WFDC9: variants seen among roughly 807,000 people sequenced by gnomAD.
WFDC9 encodes the protein WAP four-disulfide core domain 9, also known as protein WFDC9.
A neutral mutation model predicts 9.5 loss-of-function variants in WFDC9; 9 were observed. The observed-to-expected ratio is 0.95, with a 90% CI of 0.57 to 1.65. The LOEUF (loss-of-function observed/expected upper bound fraction) is 1.65, where lower values mean the gene tolerates loss of function less well. Ranked by LOEUF, WFDC9 falls within the 40% of genes most tolerant of loss-of-function variation. WFDC9 has a pLI of 0.00. For synonymous variants in WFDC9, 33 were observed against 32.3 expected, an observed-to-expected ratio of 1.02 and a Z score of -0.07; for missense variants, 87 against 106.7, an observed-to-expected ratio of 0.82 and a Z score of 0.81.
At chr20:45,629,350 A>G (rs1297206637) in intron 1 of WFDC9, among the ~76,000 whole-genome samples, 3 of 152,248 alleles carry the variant, frequency 2.0e-5, no homozygotes, top group African/African-American at 7.2e-5. Flanking sequence ...TACTTACATG[A>G]TTAAATAAGG....
At position 45,621,913 on chromosome 20, in the gene WFDC9, T is replaced by A. The variant is rs117430542; in HGVS notation, c.-152-7192A>T. ...CATAGCTGCAAGAAAAACCATGTGC[T>A]GAGTCCTGTGAGTCCTCCTAGTAAA... On this transcript the variant is annotated intron_variant, in intron 1 of 4. Transcript: ENST00000326000. 4.3e-3 allele frequency among the ~76,000 whole-genome samples: 662 copies of A among 152,344 alleles called. 5 individuals carry two copies. The highest frequency in any genetic ancestry group is 4.1e-3 in the Non-Finnish European group (282 of 68,038).
intron 1 of WFDC9, among the ~76,000 whole-genome samples, chr20:45,627,343 TAAG>T (rs1413320027): frequency 6.6e-6 from 1 of 150,622 alleles, no homozygotes; most frequent in African/African-American, 2.4e-5. Context: ...AAAATTGAGC[TAAG>T]AAGAATTCCT....
intron 4 of WFDC9, 40 bp downstream of exon 4, chr20:45,608,623 G>A: frequency 6.3e-7 from 1 of 1,588,268 alleles, no homozygotes; most frequent in Non-Finnish European, 8.6e-7. Flanking sequence ...CAGTGATGAA[G>A]CATGCCCAGG....
At chr20:45,608,903 C>A (rs917530570) in intron 3 of WFDC9, 93 bp from the exon 4 acceptor site, 26 of 1,351,064 alleles carry the variant, frequency 1.9e-5, no homozygotes, top group East Asian at 1.5e-4. Context: ...ACTTGAGCTC[C>A]AAGCCACAAA....
intron 1 of WFDC9, among the ~76,000 whole-genome samples, chr20:45,623,155 T>TA (rs1982138280): frequency 6.6e-6 from 1 of 152,132 alleles, no homozygotes. Context: ...GTCATACAGT[T>TA]ATTCACCAAG....
At chr20:45,622,261 T>A (rs1483504817) in intron 1 of WFDC9, among the ~76,000 whole-genome samples, 1 of 152,192 alleles carries the variant, frequency 6.6e-6, no homozygotes, top group Non-Finnish European at 1.5e-5. Flanking sequence ...CTTCTTTGGG[T>A]GATCTAATCT....
rs1352535897 is a variant in WFDC9 at position 45,608,076 on chromosome 20, C to T, written c.*34G>A. On this transcript the variant is annotated 3_prime_UTR_variant, in exon 5 of 5. Transcript: ENST00000326000. ...CACTCTTCTTAGACCAGATGGTCAT[C>T]CTTCAGCCCACAGTAGTGATCGGCC... 1 of 1,613,106 alleles carries T rather than the reference C, an allele frequency of 6.2e-7. No homozygotes were observed.
At chr20:45,608,875 T>C in intron 3 of WFDC9, 65 bp from the exon 4 acceptor site, 1 of 1,494,260 alleles carries the variant, frequency 6.7e-7, no homozygotes, top group South Asian at 1.4e-5. Context: ...TTTTCTAAGC[T>C]TAACAATCCC....
At position 45,608,154 on chromosome 20, in the gene WFDC9, G is replaced by T. The variant is rs765120699; in HGVS notation, c.240-14C>A. 5.0e-6 allele frequency: 8 copies of T among 1,608,722 alleles called. 1 individual carries two copies. Among genetic ancestry groups the T allele is most frequent in the Middle Eastern group, 3.3e-4 (2 of 6,032 alleles). ...TTAAGGGGCTCTCTAGAAGAGAAAA[G>T]TTAGTCAAAAGTCAAGAATCCTGGG... On this transcript the variant is annotated splice_polypyrimidine_tract_variant and intron_variant, in intron 4 of 4. Coordinates refer to ENST00000326000, the MANE Select transcript of WFDC9 (RefSeq NM_147198.4).
chr20:45,628,289 C>T (rs1371568198), intron 1 of WFDC9, among the ~76,000 whole-genome samples: 1 of 152,190 alleles, frequency 6.6e-6, no homozygotes, highest in Non-Finnish European at 1.5e-5. Context: ...GCTCCTTTCA[C>T]CTTTTGGCTT....
chr20:45,630,770 T>A (rs1286889726), intron 1 of WFDC9: 1 of 1,316,630 alleles, frequency 7.6e-7, no homozygotes, highest in Non-Finnish European at 1.0e-6. Context: ...AGGAGTATCA[T>A]GACTGAGACC....
chr20:45,625,833 T>TTTTTTTTTTTTTTTTTTTA, intron 1 of WFDC9, among the ~76,000 whole-genome samples: 1 of 140,754 alleles, frequency 7.1e-6, no homozygotes, highest in Non-Finnish European at 1.5e-5. Flanking sequence ...TTTTTTTTTT[T>TTTTTTTTTTTTTTTTTTTA]GAGACAGAGT....
chr20:45,608,210 T>C, intron 4 of WFDC9, 70 bp from the exon 5 acceptor site: 2 of 1,502,462 alleles, frequency 1.3e-6, no homozygotes, highest in East Asian at 2.3e-5. Flanking sequence ...AATAGCATCC[T>C]AGGCCCCAGA....
At chr20:45,618,351 C>T (rs1212029784) in intron 1 of WFDC9, among the ~76,000 whole-genome samples, 3 of 152,218 alleles carry the variant, frequency 2.0e-5, no homozygotes, top group African/African-American at 7.2e-5. Flanking sequence ...CTTATCGTTC[C>T]TGTGTTCCCG....
intron 1 of WFDC9, among the ~76,000 whole-genome samples, chr20:45,621,366 A>C (rs143587526): frequency 6.6e-6 from 1 of 152,318 alleles, no homozygotes; most frequent in East Asian, 1.9e-4. Context: ...CTTAATCCCT[A>C]AATTTTTAGA....
chr20:45,610,143 A>G lies in WFDC9; in HGVS notation c.39T>C (p.Ser13=), dbSNP rs771841701. Residue 13 remains serine (S), a synonymous_variant, in exon 3 of 5, where the codon TCT becomes TCC. Transcript: ENST00000326000. The stretch of plus-strand genomic sequence containing the variant: ...GCACAGGCAGAAGCATCACAACTCC[A>G]GAGATGAACATGACGAGTAGAAGAA... ...PWILLLVMFI[S]GVVMLLPVLG... The G allele has an allele frequency of 2.5e-6, 4 of 1,614,014 alleles. No homozygotes were observed. Among genetic ancestry groups the G allele is most frequent in the East Asian group, 4.5e-5 (2 of 44,886 alleles).
intron 1 of WFDC9, among the ~76,000 whole-genome samples, chr20:45,615,323 A>G (rs1443182406): frequency 2.0e-5 from 3 of 152,154 alleles, no homozygotes; most frequent in Non-Finnish European, 4.4e-5. Flanking sequence ...TGGGCACACA[A>G]TACACATGAT....
In WFDC9 at chr20:45,608,061, A is replaced by T; in HGVS notation, c.*49T>A. On this transcript the variant is annotated 3_prime_UTR_variant, in exon 5 of 5. Transcript: ENST00000326000. ...GAAGGAAGTAGGCAGCACTCTTCTTAGACCAGATGGTCATCCTTCAGCCCA... is the reference window on the plus strand; with the variant it reads ...GAAGGAAGTAGGCAGCACTCTTCTTTGACCAGATGGTCATCCTTCAGCCCA... 6.2e-7 allele frequency: 1 copy of T among 1,608,378 alleles called. No homozygotes were observed. Among genetic ancestry groups the T allele is most frequent in the Non-Finnish European group, 8.5e-7 (1 of 1,175,522 alleles).
intron 1 of WFDC9, among the ~76,000 whole-genome samples, chr20:45,623,669 A>G (rs1308893684): frequency 5.9e-5 from 9 of 152,128 alleles, no homozygotes; most frequent in Non-Finnish European, 1.0e-4. Flanking sequence ...GTAATTTTAC[A>G]TATTTATGTG....
Sources: allele counts gnomAD v4.1 joint callset (sites outside exome capture counted in the v4.1 genomes callset), GRCh38; gene constraint gnomAD v4.1.1; transcripts MANE v1.5; gene names NCBI Gene and HGNC (gene_info 2026-07-23, HGNC 2026-07-21).